The following GRIK1 variants were observed in gnomAD, a reference collection of about 807,000 sequenced individuals.
The protein encoded by GRIK1 is glutamate ionotropic receptor kainate type subunit 1, also known as glutamate receptor ionotropic, kainate 1.
Under a neutral mutation model 105.7 loss-of-function variants are expected in GRIK1, and 69 were observed. The observed-to-expected ratio is 0.65, with a 90% CI of 0.54 to 0.80. GRIK1 has a LOEUF of 0.80. Ranked by LOEUF, GRIK1 falls within the 30% of genes least tolerant of loss-of-function variation. The probability of loss-of-function intolerance (pLI) is 0.00; values close to 1 mark genes in which losing one functional copy is unlikely to be tolerated. For missense variants in GRIK1, 1,109 were observed against 1,167.3 expected, an observed-to-expected ratio of 0.95 and a Z score of 0.73; for synonymous variants, 438 against 431.3, an observed-to-expected ratio of 1.02 and a Z score of -0.19.
At chr21:29,854,792 G>C (rs997993464) in intron 1 of GRIK1, among the ~76,000 whole-genome samples, 1 of 152,088 alleles carries the variant, frequency 6.6e-6, no homozygotes, top group Non-Finnish European at 1.5e-5. Flanking sequence ...CCAGGCTTCT[G>C]ATCATTTCTT....
chr21:29,679,940 T>G (rs914466959), intron 3 of GRIK1, among the ~76,000 whole-genome samples: 2 of 152,230 alleles, frequency 1.3e-5, no homozygotes, highest in Non-Finnish European at 2.9e-5. Context: ...TTCTTGACAT[T>G]TGATTTAATT....
chr21:29,550,107 C>CCA (rs2090108277), intron 16 of GRIK1, among the ~76,000 whole-genome samples: 1 of 53,476 alleles, frequency 1.9e-5, no homozygotes, highest in South Asian at 1.1e-3. Context: ...GACTCCATCT[C>CCA]AAAAAAAAAA....
At chr21:29,584,374 A>G (rs1218894213) in intron 12 of GRIK1, among the ~76,000 whole-genome samples, 1 of 152,168 alleles carries the variant, frequency 6.6e-6, no homozygotes, top group South Asian at 2.1e-4. Flanking sequence ...AAATGATAAA[A>G]TGTAAGCAGA....
chr21:29,826,921 C>A (rs1468601019), intron 1 of GRIK1, among the ~76,000 whole-genome samples: 5 of 152,062 alleles, frequency 3.3e-5, no homozygotes, highest in Non-Finnish European at 7.4e-5. Flanking sequence ...TCAAAGTCTT[C>A]TACATGGTAC....
At chr21:29,799,533 G>A (rs2066647546) in intron 1 of GRIK1, among the ~76,000 whole-genome samples, 1 of 150,198 alleles carries the variant, frequency 6.7e-6, no homozygotes, top group African/African-American at 2.5e-5. Context: ...TTTTTTGTTT[G>A]TTTGTTTGTT....
intron 1 of GRIK1, among the ~76,000 whole-genome samples, chr21:29,882,613 C>T (rs536340374): frequency 7.9e-5 from 12 of 152,124 alleles, no homozygotes; most frequent in African/African-American, 1.7e-4. Context: ...GAATATCATG[C>T]GCAAAGAACT....
At chr21:29,873,459 T>A (rs1006774850) in intron 1 of GRIK1, among the ~76,000 whole-genome samples, 1 of 152,224 alleles carries the variant, frequency 6.6e-6, no homozygotes, top group Non-Finnish European at 1.5e-5. Flanking sequence ...CTTTCCGAAG[T>A]CTTGGTTGGT....
intron 1 of GRIK1, among the ~76,000 whole-genome samples, chr21:29,775,065 T>C (rs1321573419): frequency 1.3e-5 from 2 of 151,866 alleles, no homozygotes; most frequent in Non-Finnish European, 2.9e-5. Context: ...ACGCCTGTAA[T>C]CCCAGCACTC....
At position 29,537,217 on chromosome 21, in the gene GRIK1, G is replaced by T. The variant is rs969594065; in HGVS notation, c.*13C>A. The T allele has an allele frequency of 1.3e-6, 2 of 1,568,544 alleles. No homozygotes were observed. The highest frequency in any genetic ancestry group is 3.9e-5 in the Admixed American group (2 of 51,026). On this transcript the variant is annotated 3_prime_UTR_variant, in exon 18 of 18. Coordinates refer to ENST00000327783, the MANE Select transcript of GRIK1 (RefSeq NM_001330994.2). ...GAATGCATCCTTTTTCTTCCTACAG[G>T]CGTTTCCTTGGATCACGCCACAGTC...
chr21:29,827,756 G>A (rs1048921977), intron 1 of GRIK1, among the ~76,000 whole-genome samples: 1 of 152,076 alleles, frequency 6.6e-6, no homozygotes, highest in Non-Finnish European at 1.5e-5. Context: ...TGCTGTTCAA[G>A]TAAACACCCC....
At chr21:29,830,400 A>G (rs1404001639) in intron 1 of GRIK1, among the ~76,000 whole-genome samples, 1 of 152,128 alleles carries the variant, frequency 6.6e-6, no homozygotes, top group Non-Finnish European at 1.5e-5. Flanking sequence ...AGGAGCAGAA[A>G]TAAAATCAGA....
chr21:29,648,879 A>G (rs991915751), intron 6 of GRIK1, among the ~76,000 whole-genome samples: 1 of 152,182 alleles, frequency 6.6e-6, no homozygotes, highest in African/African-American at 2.4e-5. Context: ...ATGTGCAAGA[A>G]TGAATGAAGG....
At chr21:29,888,195 T>TTCTCTCTC (rs780446480) in intron 1 of GRIK1, among the ~76,000 whole-genome samples, 21 of 22,198 alleles carry the variant, frequency 9.5e-4, no homozygotes, top group African/African-American at 1.4e-3. Context: ...CTTTCTTTCT[T>TTCTCTCTC]TCTCTCTCTC....
At chr21:29,704,672 T>C (rs79487314) in intron 1 of GRIK1, among the ~76,000 whole-genome samples, 8,041 of 152,298 alleles carry the variant, frequency 0.053, 247 homozygotes, top group Non-Finnish European at 0.068. Flanking sequence ...GTAGGAAAGA[T>C]GGAGGGTGGT....
intron 1 of GRIK1, among the ~76,000 whole-genome samples, chr21:29,838,565 A>T (rs2067876579): frequency 6.6e-6 from 1 of 152,174 alleles, no homozygotes; most frequent in African/African-American, 2.4e-5. Context: ...GAACTCAAAG[A>T]TATTGCCTGC....
chr21:29,596,855 T>C (rs1300760701), intron 8 of GRIK1: 2 of 435,418 alleles, frequency 4.6e-6, no homozygotes, highest in South Asian at 2.1e-5. Flanking sequence ...ACAGGTATGC[T>C]GCAGTATTAA....
At chr21:29,910,944 T>C (rs1236615860) in intron 1 of GRIK1, among the ~76,000 whole-genome samples, 1 of 152,110 alleles carries the variant, frequency 6.6e-6, no homozygotes, top group Non-Finnish European at 1.5e-5. Context: ...ACTGGCAGAA[T>C]ATTAATATCC....
chr21:29,550,107 CAAAAAAA>C (rs34939329), intron 16 of GRIK1, among the ~76,000 whole-genome samples: 3 of 53,476 alleles, frequency 5.6e-5, no homozygotes, highest in Admixed American at 2.2e-4. Context: ...GACTCCATCT[CAAAAAAA>C]AAAAAAAAAA....
chr21:29,552,512 C>T (rs763740622), intron 16 of GRIK1, among the ~76,000 whole-genome samples: 31 of 151,954 alleles, frequency 2.0e-4, no homozygotes, highest in Non-Finnish European at 1.2e-4. Flanking sequence ...CCTTCTTGCC[C>T]GTTTCCCCAG....
Sources: gnomAD v4.1 joint callset for allele counts (sites outside exome capture counted in the v4.1 genomes callset) on GRCh38, gnomAD v4.1.1 for gene constraint, MANE v1.5 for transcripts, NCBI Gene and HGNC (gene_info 2026-07-23, HGNC 2026-07-21) for gene names.